Variants in CECR2 observed in about 807,000 individuals in gnomAD.
CECR2 encodes CECR2 histone acetyl-lysine reader.
In CECR2, 30 loss-of-function variants were observed where a neutral mutation model predicts 154.5. That is an observed-to-expected ratio of 0.19 (90% CI 0.15 to 0.26). The LOEUF (loss-of-function observed/expected upper bound fraction) is 0.26. CECR2 is among the 10% of genes least tolerant of loss of function. The probability of loss-of-function intolerance (pLI) is 1.00; values close to 1 mark genes in which losing one functional copy is unlikely to be tolerated. For missense variants in CECR2, 1,743 were observed against 1,829.3 expected, an observed-to-expected ratio of 0.95 and a Z score of 0.86; for synonymous variants, 725 against 683.7, an observed-to-expected ratio of 1.06 and a Z score of -0.94.
rs942593882 is a variant in CECR2, at chr22:17,511,958, T to C, written c.954+62T>C. The C allele has an allele frequency of 3.7e-4, 467 of 1,248,666 alleles. 1 individual carries two copies. Among genetic ancestry groups the C allele is most frequent in the Non-Finnish European group, 5.1e-4 (450 of 886,068 alleles). 77.3% of individuals were successfully genotyped at this position (1,248,666 alleles called of 1,614,324 possible). A position where few individuals can be genotyped will look rare whatever the true frequency, so the allele number is the denominator to read the frequency against. On this transcript the variant is annotated intron_variant, in intron 8 of 18. Coordinates refer to ENST00000262608, the MANE Select transcript of CECR2 (RefSeq NM_001290047.2). ...TGATGAAAGAGACGGATCCTTTTCA[T>C]GTACTTCCATTCCTGCCTTTTTATT...
chr22:17,399,102 G>A (rs1348743861), intron 1 of CECR2, among the ~76,000 whole-genome samples: 2 of 152,210 alleles, frequency 1.3e-5, no homozygotes, highest in Non-Finnish European at 2.9e-5. Flanking sequence ...TAAAGTGTGA[G>A]AAGCACTGGC....
At chr22:17,530,257 G>T (rs1356259067) in intron 9 of CECR2, among the ~76,000 whole-genome samples, 1 of 151,200 alleles carries the variant, frequency 6.6e-6, no homozygotes, top group Non-Finnish European at 1.5e-5. Context: ...ACGGAGTGTC[G>T]CTCTGTCGCC....
chr22:17,521,693 C>T (rs1245832065), intron 8 of CECR2, among the ~76,000 whole-genome samples: 1 of 152,104 alleles, frequency 6.6e-6, no homozygotes, highest in East Asian at 1.9e-4. Flanking sequence ...TTCTCCCATT[C>T]TGTAGGTTGC....
In CECR2 at chr22:17,438,442, G is replaced by A. The variant is rs763586059; in HGVS notation, c.127-39146G>A. Among the ~76,000 whole-genome samples the A allele has an allele frequency of 3.3e-5, 5 of 152,132 alleles. No homozygotes were observed. In the East Asian group the frequency reaches 9.6e-4, roughly 29 times the overall value. The stretch of plus-strand genomic sequence containing the variant: ...TAAATTGTCCTTAGTACCGTGATTT[G>A]GTTCCTGTATATGGAGTCTCTTAAA... On this transcript the variant is annotated intron_variant, in intron 1 of 18. Coordinates refer to ENST00000262608, the MANE Select transcript of CECR2 (RefSeq NM_001290047.2).
chr22:17,429,427 C>T (rs979358310), intron 1 of CECR2, among the ~76,000 whole-genome samples: 6 of 151,518 alleles, frequency 4.0e-5, no homozygotes, highest in African/African-American at 9.7e-5. Flanking sequence ...GGAGACCGGG[C>T]GCGGTGGCTC....
intron 1 of CECR2, among the ~76,000 whole-genome samples, chr22:17,420,693 T>G (rs917099378): frequency 6.6e-6 from 1 of 152,218 alleles, no homozygotes; most frequent in Non-Finnish European, 1.5e-5. Flanking sequence ...AAAATGAGGT[T>G]GTGTTATGGC....
chr22:17,461,665 A>G (rs2054939668), intron 1 of CECR2, among the ~76,000 whole-genome samples: 1 of 152,214 alleles, frequency 6.6e-6, no homozygotes, highest in South Asian at 2.1e-4. Context: ...CAGAATACAC[A>G]GAAGTCAGTC....
chr22:17,383,826 G>A (rs1469896210), intron 1 of CECR2, among the ~76,000 whole-genome samples: 1 of 151,684 alleles, frequency 6.6e-6, no homozygotes, highest in Non-Finnish European at 1.5e-5. Context: ...CACCACGTCT[G>A]GCTAATTTTC....
At chr22:17,467,597 C>A (rs1350661451) in intron 1 of CECR2, among the ~76,000 whole-genome samples, 1 of 152,188 alleles carries the variant, frequency 6.6e-6, no homozygotes. Context: ...GCCTGGCCAA[C>A]ATGGTGAAAC....
chr22:17,422,108 C>G (rs1222107822), intron 1 of CECR2, among the ~76,000 whole-genome samples: 1 of 151,390 alleles, frequency 6.6e-6, no homozygotes, highest in Non-Finnish European at 1.5e-5. Context: ...TTTTTTTCCC[C>G]CCTCTGGCCT....
At chr22:17,370,641 G>T (rs1255749352) in intron 1 of CECR2, among the ~76,000 whole-genome samples, 1 of 152,188 alleles carries the variant, frequency 6.6e-6, no homozygotes, top group Non-Finnish European at 1.5e-5. Flanking sequence ...GAGCGCGGAG[G>T]ACGGGCTGGC....
At chr22:17,409,742 G>T (rs1432624644) in intron 1 of CECR2, among the ~76,000 whole-genome samples, 1 of 111,188 alleles carries the variant, frequency 9.0e-6, no homozygotes, top group African/African-American at 3.0e-5. Flanking sequence ...CCCTAAGAAT[G>T]TGAGTTATAT....
intron 8 of CECR2, among the ~76,000 whole-genome samples, chr22:17,516,894 G>T (rs1247449710): frequency 6.7e-6 from 1 of 149,324 alleles, no homozygotes; most frequent in Non-Finnish European, 1.5e-5. Context: ...GCGCCCAGCT[G>T]ATCTGGTTGT....
chr22:17,539,610 A>G (rs543480170), intron 13 of CECR2, among the ~76,000 whole-genome samples: 1 of 152,272 alleles, frequency 6.6e-6, no homozygotes, highest in South Asian at 2.1e-4. Flanking sequence ...GCACATGTAT[A>G]CATATGTAAC....
At chr22:17,406,554 A>G (rs1160781084) in intron 1 of CECR2, among the ~76,000 whole-genome samples, 1 of 152,124 alleles carries the variant, frequency 6.6e-6, no homozygotes, top group Non-Finnish European at 1.5e-5. Context: ...CAAAAAAAAG[A>G]AAAGAATGTG....
intron 8 of CECR2, among the ~76,000 whole-genome samples, chr22:17,523,010 GAAA>G (rs386819558): frequency 0.01 from 1,501 of 146,092 alleles, 24 homozygotes; most frequent in African/African-American, 0.034. Context: ...ATCTCGGGGG[GAAA>G]AAAAAAAGCC....
Position 17,548,659 on chromosome 22 carries a change from A to G in CECR2, c.3372A>G (p.Leu1124=). The G allele has an allele frequency of 6.2e-7, 1 of 1,613,216 alleles. No individual in the cohort carries two copies. Among genetic ancestry groups the G allele is most frequent in the Non-Finnish European group, 8.5e-7 (1 of 1,179,640 alleles). The stretch of plus-strand genomic sequence containing the variant: ...TTCCCCCGCTGTATATGCCTGGCCT[A>G]GAGTACCCGAATTCAGCTGCCCATT... The part of the protein sequence containing the change: ...SQFPPLYMPG[L]EYPNSAAHYH... Residue 1124 remains leucine, a synonymous_variant, in exon 17 of 19, where the codon CTA becomes CTG. Transcript: ENST00000262608.
chr22:17,418,483 C>G (rs1039708557), intron 1 of CECR2, among the ~76,000 whole-genome samples: 3 of 152,160 alleles, frequency 2.0e-5, no homozygotes, highest in African/African-American at 7.2e-5. Context: ...CAGAAACCAA[C>G]TCCCTTTTAC....
Position 17,511,905 on chromosome 22 carries a change from G to C in CECR2, c.954+9G>C. 1 of 1,603,554 alleles carries C rather than the reference G, an allele frequency of 6.2e-7. No individual in the cohort carries two copies. The highest frequency in any genetic ancestry group is 1.3e-5 in the African/African-American group (1 of 74,776). ...AACCCGTCAAGCAAGAGGTGAGTGT[G>C]GGTGAGAGTAGCGAGGAGGAGCTTT... is the stretch of plus-strand genomic sequence containing the variant. On this transcript the variant is annotated intron_variant, in intron 8 of 18. Coordinates refer to ENST00000262608, the MANE Select transcript of CECR2 (RefSeq NM_001290047.2).
Sources: allele counts gnomAD v4.1 joint callset (sites outside exome capture counted in the v4.1 genomes callset), GRCh38; gene constraint gnomAD v4.1.1; transcripts MANE v1.5; gene names NCBI Gene and HGNC (gene_info 2026-07-23, HGNC 2026-07-21).